The following GOLGA4 variants were observed in gnomAD, a reference collection of about 807,000 sequenced individuals.
The protein encoded by GOLGA4 is golgin A4, also known as golgin subfamily A member 4.
Under a neutral mutation model 265.9 loss-of-function variants are expected in GOLGA4, and 169 were observed. That is an observed-to-expected ratio of 0.64 (90% confidence interval 0.56 to 0.72). The LOEUF (loss-of-function observed/expected upper bound fraction) is 0.72, where lower values mean the gene tolerates loss of function less well. Among genes scored for constraint, GOLGA4 ranks in the 30% least tolerant of loss-of-function variants. GOLGA4 has a pLI of 0.00. For missense variants in GOLGA4, 2,482 were observed against 2,483.4 expected, an observed-to-expected ratio of 1.00 and a Z score of 0.01; for synonymous variants, 923 against 855.8, an observed-to-expected ratio of 1.08 and a Z score of -1.37.
In GOLGA4 at chr3:37,327,314, T is replaced by G; in HGVS notation, c.5428T>G (p.Leu1810Val). The part of the protein sequence containing the change: ...ELEEKNKKYS[L>V]IVAQHVEKEG... ...TGAAGAAAAAAACAAGAAATATTCC[T>G]TGATAGTAGCCCAGCATGTGGAAAA... Residue 1810 changes from leucine (L) to valine (V), a missense_variant, in exon 14 of 24, where the codon TTG (leucine) becomes GTG (valine). Leu to Val is a conservative substitution (Grantham distance 32). This residue lies in a region of GOLGA4 where 942 missense variants were observed against 983.1 expected (regional missense o/e 0.96). Coordinates refer to ENST00000361924, the MANE Select transcript of GOLGA4 (RefSeq NM_002078.5). The G allele has an allele frequency of 1.2e-6, 2 of 1,613,814 alleles. No individual in the cohort carries two copies. Among genetic ancestry groups the G allele is most frequent in the Non-Finnish European group, 1.7e-6 (2 of 1,179,826 alleles).
At chr3:37,271,355 T>C (rs988693959) in intron 2 of GOLGA4, among the ~76,000 whole-genome samples, 2 of 152,208 alleles carry the variant, frequency 1.3e-5, no homozygotes, top group African/African-American at 4.8e-5. Flanking sequence ...AATTCCTATG[T>C]TCTCCCAACC....
intron 1 of GOLGA4, among the ~76,000 whole-genome samples, chr3:37,244,691 T>A (rs2096714035): frequency 6.6e-6 from 1 of 152,240 alleles, no homozygotes; most frequent in East Asian, 1.9e-4. Context: ...ATTCTGAAAC[T>A]ATAAATTGAA....
Position 37,327,060 on chromosome 3 carries a change from A to T in GOLGA4, c.5174A>T (p.Asp1725Val). The T allele has an allele frequency of 6.2e-7, 1 of 1,614,000 alleles. No homozygotes were observed. Among genetic ancestry groups the T allele is most frequent in the Non-Finnish European group, 8.5e-7 (1 of 1,179,884 alleles). The change falls in exon 14 of 24, where the codon GAT becomes GTT. Residue 1725 changes from aspartate to valine, a missense_variant. Physicochemically the swap from Asp to Val is radical, Grantham distance 152. Coordinates refer to ENST00000361924, the MANE Select transcript of GOLGA4 (RefSeq NM_002078.5). ...VAAYTEQEEADSQGCVQKTYE... is the reference protein window; with the variant it reads ...VAAYTEQEEAVSQGCVQKTYE... Reference sequence around the variant, plus strand: ...GCATATACTGAACAAGAAGAAGCAGATTCCCAAGGCTGTGTGCAGAAGACA... The same window carrying T: ...GCATATACTGAACAAGAAGAAGCAGTTTCCCAAGGCTGTGTGCAGAAGACA...
At chr3:37,298,089 A>C (rs1365953483) in intron 7 of GOLGA4, among the ~76,000 whole-genome samples, 1 of 152,086 alleles carries the variant, frequency 6.6e-6, no homozygotes, top group African/African-American at 2.4e-5. Flanking sequence ...AAGTGTCCTT[A>C]TATTTGTAAC....
At chr3:37,335,654 A>T (rs949931165) in intron 17 of GOLGA4, among the ~76,000 whole-genome samples, 2 of 151,926 alleles carry the variant, frequency 1.3e-5, no homozygotes, top group African/African-American at 4.8e-5. Context: ...AACAATTTCT[A>T]TCTTTGTTTT....
In GOLGA4 at chr3:37,355,306, A is replaced by T. The variant is rs1578863194; in HGVS notation, c.6663+119A>T. The T allele has an allele frequency of 9.8e-6, 6 of 613,360 alleles. No individual in the cohort carries two copies. The East Asian group carries it at 1.7e-4, about 18-fold the overall frequency. The allele number at this position is 613,360 out of a possible 1,614,324, so 38.0% of individuals were successfully genotyped here. On this transcript the variant is annotated intron_variant, in intron 22 of 23. Transcript: ENST00000361924. Reference sequence around the variant, plus strand: ...TTTTAAGATTTCAAATCTTTATTATATCACAGCCTGAAAAATGAGAGTGAA... The same window carrying T: ...TTTTAAGATTTCAAATCTTTATTATTTCACAGCCTGAAAAATGAGAGTGAA...
chr3:37,337,948 T>C (rs17036243), intron 19 of GOLGA4, among the ~76,000 whole-genome samples: 5,868 of 152,332 alleles, frequency 0.039, 143 homozygotes, highest in African/African-American at 0.056. Flanking sequence ...TTTTTAATGC[T>C]TAACATTTTT....
At chr3:37,297,337 G>C (rs968115422) in intron 7 of GOLGA4, among the ~76,000 whole-genome samples, 2 of 152,124 alleles carry the variant, frequency 1.3e-5, no homozygotes, top group Admixed American at 1.3e-4. Flanking sequence ...GGCCAGTCCC[G>C]AAATTCCCAG....
chr3:37,364,726 A>G (rs1474569062), intron 23 of GOLGA4, among the ~76,000 whole-genome samples: 2 of 151,062 alleles, frequency 1.3e-5, no homozygotes, highest in Admixed American at 1.3e-4. Context: ...AGCTGGGACC[A>G]CAGACACATG....
In GOLGA4 at chr3:37,331,756, A is replaced by G. The variant is rs1578745574; in HGVS notation, c.6192+2663A>G. Among the ~76,000 whole-genome samples the G allele has an allele frequency of 2.0e-5, 3 of 152,288 alleles. No homozygotes were observed. In the South Asian group the frequency reaches 6.2e-4, roughly 32 times the overall value. Reference sequence around the variant, plus strand: ...TTTTTCTACCTTGAATGACATTCTTACCATTCCTCCATTTGAAGAAGCTGG... The same window carrying G: ...TTTTTCTACCTTGAATGACATTCTTGCCATTCCTCCATTTGAAGAAGCTGG... On this transcript the variant is annotated intron_variant, in intron 16 of 23. Transcript: ENST00000361924.
chr3:37,326,215 A>C lies in GOLGA4; in HGVS notation c.4329A>C (p.Ser1443=). 6.2e-7 allele frequency: 1 copy of C among 1,613,654 alleles called. No individual in the cohort carries two copies. Among genetic ancestry groups the C allele is most frequent in the Non-Finnish European group, 8.5e-7 (1 of 1,179,594 alleles). Residue 1443 remains serine, a synonymous_variant, in exon 14 of 24, where the codon TCA becomes TCC. Coordinates refer to ENST00000361924, the MANE Select transcript of GOLGA4 (RefSeq NM_002078.5). ...EQVDDWSNKF[S]EWKKKAQSRF... Reference sequence around the variant, plus strand: ...TAGATGACTGGTCCAATAAATTCTCAGAATGGAAGAAGAAAGCACAGTCAA... The same window carrying C: ...TAGATGACTGGTCCAATAAATTCTCCGAATGGAAGAAGAAAGCACAGTCAA...
At chr3:37,307,139 C>T (rs1298185405) in intron 10 of GOLGA4, among the ~76,000 whole-genome samples, 1 of 152,012 alleles carries the variant, frequency 6.6e-6, no homozygotes, top group African/African-American at 2.4e-5. Context: ...TTTCATGTAC[C>T]TTGTCTTTGC....
In GOLGA4 at chr3:37,296,122, G is replaced by A. The variant is rs137896398; in HGVS notation, c.717G>A (p.Pro239=). ...TGAAACAACGATTACGAAATGGCCCGATGAATGTTGATGTACTGAAACCAC... is the reference window on the plus strand; with the variant it reads ...TGAAACAACGATTACGAAATGGCCCAATGAATGTTGATGTACTGAAACCAC... ...SLLKQRLRNG[P]MNVDVLKPLP... is the part of the protein sequence containing the mutation. Residue 239 remains proline, a synonymous_variant, in exon 7 of 24, where the codon CCG becomes CCA. Transcript: ENST00000361924. The A allele has an allele frequency of 1.2e-5, 19 of 1,613,326 alleles. No individual in the cohort carries two copies. The highest frequency in any genetic ancestry group is 1.5e-5 in the Non-Finnish European group (18 of 1,179,294).
chr3:37,273,189 G>GT, intron 2 of GOLGA4, among the ~76,000 whole-genome samples: 1 of 152,226 alleles, frequency 6.6e-6, no homozygotes, highest in Non-Finnish European at 1.5e-5. Flanking sequence ...ATAGTTTTCT[G>GT]TTTGAGTGAG....
Position 37,351,407 on chromosome 3 carries a change from T to G in GOLGA4, c.6577-3694T>G, listed in dbSNP as rs2097074102. ...CAAATCATCCATGAAAGTTGGAATC[T>G]TCTTCCAAACCCCTGTTAATGTTGA... On this transcript the variant is annotated intron_variant, in intron 21 of 23. Coordinates refer to ENST00000361924, the MANE Select transcript of GOLGA4 (RefSeq NM_002078.5). 2.6e-5 allele frequency among the ~76,000 whole-genome samples: 4 copies of G among 152,154 alleles called. No individual in the cohort carries two copies. The South Asian group carries it at 8.3e-4, about 32-fold the overall frequency.
chr3:37,251,625 CTT>C (rs112817114), intron 2 of GOLGA4, 141 bp downstream of exon 2: 23,505 of 467,274 alleles, frequency 0.05, no homozygotes, highest in Non-Finnish European at 0.06. Context: ...CACAATTGGT[CTT>C]TTTTTTTTTT....
chr3:37,364,746 C>T (rs925912826), intron 23 of GOLGA4, among the ~76,000 whole-genome samples: 1 of 151,584 alleles, frequency 6.6e-6, no homozygotes, highest in African/African-American at 2.4e-5. Flanking sequence ...GCCACCACAC[C>T]TAGCTATTTT....
intron 4 of GOLGA4, among the ~76,000 whole-genome samples, chr3:37,287,369 T>C (rs2096852443): frequency 6.6e-6 from 1 of 152,320 alleles, no homozygotes; most frequent in South Asian, 2.1e-4. Flanking sequence ...TTCAATGCTT[T>C]GCTCTCTTTT....
chr3:37,341,177 A>T (rs566111118), intron 20 of GOLGA4, among the ~76,000 whole-genome samples: 20 of 152,180 alleles, frequency 1.3e-4, no homozygotes, highest in African/African-American at 4.8e-4. Flanking sequence ...TGCAGGGATT[A>T]CAGGCATGAG....
Sources: allele counts gnomAD v4.1 joint callset (sites outside exome capture counted in the v4.1 genomes callset), GRCh38; gene constraint gnomAD v4.1.1; regional missense constraint gnomAD v4.1.1; transcripts MANE v1.5; gene names NCBI Gene and HGNC (gene_info 2026-07-23, HGNC 2026-07-21).